The following KIAA1217 variants were observed in gnomAD, a reference collection of about 807,000 sequenced individuals.
The protein encoded by KIAA1217 is sickle tail protein homolog.
Under a neutral mutation model 163.9 loss-of-function variants are expected in KIAA1217, and 88 were observed. The ratio of observed to expected loss-of-function variants is 0.54; its 90% CI spans 0.45 to 0.64. The LOEUF (loss-of-function observed/expected upper bound fraction) is 0.64, where lower values mean the gene tolerates loss of function less well. Ranked by LOEUF, KIAA1217 falls within the 30% of genes least tolerant of loss-of-function variation. KIAA1217 has a pLI of 0.00. For missense variants in KIAA1217, 2,372 were observed against 2,475.0 expected, an observed-to-expected ratio of 0.96 and a Z score of 0.88; for synonymous variants, 903 against 923.1, an observed-to-expected ratio of 0.98 and a Z score of 0.39.
chr10:23,932,567 T>C (rs1470388022), intron 1 of KIAA1217, among the ~76,000 whole-genome samples: 1 of 152,208 alleles, frequency 6.6e-6, no homozygotes, highest in African/African-American at 2.4e-5. Flanking sequence ...AAATTTAACA[T>C]ATAAACTTTC....
chr10:24,331,224 T>G (rs1423486269), intron 2 of KIAA1217, among the ~76,000 whole-genome samples: 1 of 152,186 alleles, frequency 6.6e-6, no homozygotes, highest in East Asian at 1.9e-4. Context: ...ATTACAGGCA[T>G]GAGCCACCAT....
intron 2 of KIAA1217, among the ~76,000 whole-genome samples, chr10:24,241,967 C>T (rs143589079): frequency 1.7e-3 from 258 of 152,248 alleles, no homozygotes; most frequent in Middle Eastern, 6.8e-3. Flanking sequence ...GCTGCTGAGC[C>T]TGAACTCATT....
intron 2 of KIAA1217, among the ~76,000 whole-genome samples, chr10:24,272,649 C>T (rs1306367965): frequency 6.6e-6 from 1 of 152,194 alleles, no homozygotes; most frequent in African/African-American, 2.4e-5. Flanking sequence ...TTCAAATAGT[C>T]ATGGATTTAT....
intron 17 of KIAA1217, among the ~76,000 whole-genome samples, chr10:24,538,005 T>C (rs2074285763): frequency 6.6e-6 from 1 of 152,220 alleles, no homozygotes; most frequent in Non-Finnish European, 1.5e-5. Context: ...AGGCCTAACA[T>C]TTTTCTCCAG....
chr10:24,363,975 A>G (rs1184244625), intron 2 of KIAA1217, among the ~76,000 whole-genome samples: 1 of 138,208 alleles, frequency 7.2e-6, no homozygotes, highest in Non-Finnish European at 1.5e-5. Flanking sequence ...CTCTGGTCTC[A>G]TCCACTTTTT....
chr10:23,835,966 T>C (rs1410385767), intron 1 of KIAA1217, among the ~76,000 whole-genome samples: 2 of 152,192 alleles, frequency 1.3e-5, no homozygotes, highest in East Asian at 3.9e-4. Context: ...TAACCCTCAG[T>C]ACCATAAGAA....
At chr10:24,404,622 C>T (rs1235682730) in intron 3 of KIAA1217, among the ~76,000 whole-genome samples, 2 of 146,906 alleles carry the variant, frequency 1.4e-5, no homozygotes, top group Non-Finnish European at 3.0e-5. Context: ...TGGGACCCAG[C>T]AACTGCAGTC....
intron 1 of KIAA1217, among the ~76,000 whole-genome samples, chr10:23,850,186 C>A (rs1006188968): frequency 6.6e-6 from 1 of 152,070 alleles, no homozygotes; most frequent in Admixed American, 6.6e-5. Flanking sequence ...GATCACTCAG[C>A]AGCCTCTGAA....
chr10:24,026,086 T>C (rs897809232), intron 2 of KIAA1217, among the ~76,000 whole-genome samples: 4 of 151,884 alleles, frequency 2.6e-5, no homozygotes, highest in Admixed American at 6.6e-5. Context: ...TTTTTTCAAA[T>C]GTTAGAGCAA....
intron 6 of KIAA1217, 113 bp downstream of exon 6, chr10:24,474,173 A>C: frequency 1.3e-6 from 1 of 760,910 alleles, no homozygotes; most frequent in Non-Finnish European, 2.1e-6. Flanking sequence ...TCTCTGCAGC[A>C]TGTCCTGTGG....
At chr10:24,354,966 G>A (rs1262750191) in intron 2 of KIAA1217, among the ~76,000 whole-genome samples, 1 of 152,208 alleles carries the variant, frequency 6.6e-6, no homozygotes, top group Non-Finnish European at 1.5e-5. Flanking sequence ...TCCTGTCCAT[G>A]TCATTTGTAC....
chr10:23,768,504 C>T (rs1394056890), intron 1 of KIAA1217, among the ~76,000 whole-genome samples: 1 of 152,206 alleles, frequency 6.6e-6, no homozygotes, highest in Non-Finnish European at 1.5e-5. Context: ...TTAAATCCAT[C>T]AGTGAAATTT....
intron 1 of KIAA1217, among the ~76,000 whole-genome samples, chr10:23,884,156 G>T (rs139735763): frequency 2.0e-4 from 31 of 151,924 alleles, no homozygotes; most frequent in Admixed American, 1.0e-3. Context: ...GTATAGCAAG[G>T]GTGTGTTTAG....
At chr10:24,109,417 A>C (rs2062758722) in intron 2 of KIAA1217, among the ~76,000 whole-genome samples, 1 of 151,818 alleles carries the variant, frequency 6.6e-6, no homozygotes, top group Admixed American at 6.6e-5. Context: ...TGCAAGATAG[A>C]TTACTGAGCA....
chr10:24,249,573 G>A (rs1015943607), intron 2 of KIAA1217, among the ~76,000 whole-genome samples: 11 of 152,016 alleles, frequency 7.2e-5, no homozygotes, highest in East Asian at 3.9e-4. Context: ...TTTTTAAGAC[G>A]TAAACATCCA....
At chr10:23,711,885 G>A (rs952524479) in intron 1 of KIAA1217, among the ~76,000 whole-genome samples, 20 of 152,266 alleles carry the variant, frequency 1.3e-4, no homozygotes, top group African/African-American at 4.8e-4. Flanking sequence ...GGGAAACGAA[G>A]CCTGATATGA....
At chr10:23,949,981 C>T (rs191481632) in intron 1 of KIAA1217, among the ~76,000 whole-genome samples, 13 of 152,202 alleles carry the variant, frequency 8.5e-5, no homozygotes, top group Non-Finnish European at 1.6e-4. Context: ...TTATAAGACT[C>T]CTGTGAGGTA....
intron 2 of KIAA1217, among the ~76,000 whole-genome samples, chr10:24,026,054 T>C (rs117882681): frequency 6.6e-6 from 1 of 151,874 alleles, no homozygotes; most frequent in Non-Finnish European, 1.5e-5. Context: ...TGAATAGAAA[T>C]GGTAAGGGGA....
chr10:23,840,305 G>A (rs1838709751), intron 1 of KIAA1217, among the ~76,000 whole-genome samples: 1 of 151,968 alleles, frequency 6.6e-6, no homozygotes, highest in Non-Finnish European at 1.5e-5. Context: ...ACAGATGCCT[G>A]CCACCAAACC....
Sources: allele counts gnomAD v4.1 joint callset (sites outside exome capture counted in the v4.1 genomes callset), GRCh38; gene constraint gnomAD v4.1.1; transcripts MANE v1.5; gene names NCBI Gene and HGNC (gene_info 2026-07-23, HGNC 2026-07-21).